KCTD8: variants seen among roughly 807,000 people sequenced by gnomAD.
The protein encoded by KCTD8 is BTB/POZ domain-containing protein KCTD8.
Under a neutral mutation model 31.5 loss-of-function variants are expected in KCTD8, and 27 were observed. The ratio of observed to expected loss-of-function variants is 0.86; its 90% CI spans 0.63 to 1.18. The LOEUF (loss-of-function observed/expected upper bound fraction) is 1.18, where lower values mean the gene tolerates loss of function less well. KCTD8 is among the 50% of genes most tolerant of loss of function. The probability of loss-of-function intolerance (pLI) is 0.00; values close to 1 mark genes in which losing one functional copy is unlikely to be tolerated. For synonymous variants in KCTD8, 290 were observed against 280.0 expected, an observed-to-expected ratio of 1.04 and a Z score of -0.36; for missense variants, 658 against 647.7, an observed-to-expected ratio of 1.02 and a Z score of -0.17.
intron 1 of KCTD8, among the ~76,000 whole-genome samples, chr4:44,399,186 G>A (rs1474215629): frequency 6.6e-6 from 1 of 152,120 alleles, no homozygotes; most frequent in African/African-American, 2.4e-5. Flanking sequence ...GGCACATGTG[G>A]AGGTCATTCC....
intron 1 of KCTD8, among the ~76,000 whole-genome samples, chr4:44,370,287 A>G (rs1447642718): frequency 6.6e-6 from 1 of 152,194 alleles, no homozygotes; most frequent in African/African-American, 2.4e-5. Flanking sequence ...AGAAGACCAG[A>G]CATTTGAAAT....
Position 44,407,501 on chromosome 4 carries a change from C to G in KCTD8, c.961+40062G>C, listed in dbSNP as rs138405446. On this transcript the variant is annotated intron_variant, in intron 1 of 1. Coordinates refer to ENST00000360029, the MANE Select transcript of KCTD8 (RefSeq NM_198353.3). ...TCCCAGGTTCAAGAGATTCTCCTGT[C>G]TCAGCCTCCTGAGTAGCTGGGATTA... is the stretch of plus-strand genomic sequence containing the variant. Among the ~76,000 whole-genome samples the G allele has an allele frequency of 2.4e-3, 368 of 151,704 alleles. 4 individuals are homozygous for G. The Middle Eastern group carries it at 0.031, about 13-fold the overall frequency.
At chr4:44,319,008 G>C (rs1172074601) in intron 1 of KCTD8, among the ~76,000 whole-genome samples, 1 of 152,160 alleles carries the variant, frequency 6.6e-6, no homozygotes, top group Non-Finnish European at 1.5e-5. Context: ...AAAAATGAAG[G>C]ATGCGGACGC....
chr4:44,409,793 T>TA (rs67296007), intron 1 of KCTD8, among the ~76,000 whole-genome samples: 2 of 150,452 alleles, frequency 1.3e-5, no homozygotes, highest in African/African-American at 4.9e-5. Flanking sequence ...TAGAGTATAT[T>TA]AAAAAAAAGT....
At chr4:44,371,044 T>C (rs944186399) in intron 1 of KCTD8, among the ~76,000 whole-genome samples, 79 of 152,244 alleles carry the variant, frequency 5.2e-4, no homozygotes, top group African/African-American at 1.6e-3. Context: ...ACTGATGGCC[T>C]GAGAACCAGG....
intron 1 of KCTD8, among the ~76,000 whole-genome samples, chr4:44,347,358 A>G (rs1301002220): frequency 6.6e-6 from 1 of 152,178 alleles, no homozygotes; most frequent in Non-Finnish European, 1.5e-5. Flanking sequence ...AATGTGGCAC[A>G]AAACAGACAT....
At chr4:44,379,106 A>G (rs1283782549) in intron 1 of KCTD8, among the ~76,000 whole-genome samples, 1 of 152,048 alleles carries the variant, frequency 6.6e-6, no homozygotes, top group Non-Finnish European at 1.5e-5. Flanking sequence ...CCAGGATAAT[A>G]TCCCCATCTC....
chr4:44,287,906 T>C (rs1553898852), intron 1 of KCTD8, among the ~76,000 whole-genome samples: 3 of 152,156 alleles, frequency 2.0e-5, no homozygotes, highest in South Asian at 4.1e-4. Flanking sequence ...AGTCGACTTG[T>C]ATGTAGATGG....
At chr4:44,425,755 A>G (rs1160379527) in intron 1 of KCTD8, among the ~76,000 whole-genome samples, 1 of 152,016 alleles carries the variant, frequency 6.6e-6, no homozygotes, top group Non-Finnish European at 1.5e-5. Context: ...AATTAAATCT[A>G]TCAACGCAAT....
chr4:44,296,827 T>C (rs1310948578), intron 1 of KCTD8, among the ~76,000 whole-genome samples: 1 of 151,990 alleles, frequency 6.6e-6, no homozygotes, highest in African/African-American at 2.4e-5. Context: ...ACACACTGCC[T>C]CTGAAAAACC....
intron 1 of KCTD8, among the ~76,000 whole-genome samples, chr4:44,239,523 T>C (rs1715388339): frequency 6.6e-6 from 1 of 152,208 alleles, no homozygotes. Flanking sequence ...TTAACAATTA[T>C]TCATAGGCAG....
chr4:44,216,812 T>G (rs1038779833), intron 1 of KCTD8, among the ~76,000 whole-genome samples: 2 of 152,182 alleles, frequency 1.3e-5, no homozygotes, highest in Admixed American at 1.3e-4. Context: ...TAAAATTTTG[T>G]ATATGTATGC....
At chr4:44,233,900 C>T (rs1170318558) in intron 1 of KCTD8, among the ~76,000 whole-genome samples, 1 of 152,012 alleles carries the variant, frequency 6.6e-6, no homozygotes, top group Non-Finnish European at 1.5e-5. Context: ...ATTTACTATT[C>T]ATCCAGATAT....
intron 1 of KCTD8, among the ~76,000 whole-genome samples, chr4:44,182,597 G>A (rs567613945): frequency 7.2e-5 from 11 of 152,222 alleles, no homozygotes; most frequent in Non-Finnish European, 1.3e-4. Flanking sequence ...CAGCATGCTC[G>A]TTAAGAGTCA....
intron 1 of KCTD8, among the ~76,000 whole-genome samples, chr4:44,252,910 T>G (rs191555638): frequency 6.6e-6 from 1 of 151,842 alleles, no homozygotes; most frequent in East Asian, 1.9e-4. Flanking sequence ...GAGTGACAGT[T>G]TGAAGGTTCA....
chr4:44,256,412 T>C (rs1433104620), intron 1 of KCTD8, among the ~76,000 whole-genome samples: 1 of 152,004 alleles, frequency 6.6e-6, no homozygotes, highest in African/African-American at 2.4e-5. Context: ...AAAAAGCTTA[T>C]AGAAAATTGG....
chr4:44,428,155 T>A (rs1202919048), intron 1 of KCTD8, among the ~76,000 whole-genome samples: 1 of 151,752 alleles, frequency 6.6e-6, no homozygotes, highest in Non-Finnish European at 1.5e-5. Flanking sequence ...TAATTTTTTT[T>A]AATATAAATA....
At chr4:44,349,170 C>T (rs538605842) in intron 1 of KCTD8, among the ~76,000 whole-genome samples, 99 of 149,234 alleles carry the variant, frequency 6.6e-4, no homozygotes, top group Admixed American at 1.9e-3. Context: ...TCATGCTTTG[C>T]TGATCCTAGG....
chr4:44,239,046 G>A (rs564106937), intron 1 of KCTD8, among the ~76,000 whole-genome samples: 8 of 152,240 alleles, frequency 5.3e-5, no homozygotes, highest in Middle Eastern at 3.4e-3. Context: ...TGCTAGTCAC[G>A]TGCAGGGGTA....
Sources: gnomAD v4.1 joint callset for allele counts (sites outside exome capture counted in the v4.1 genomes callset) on GRCh38, gnomAD v4.1.1 for gene constraint, MANE v1.5 for transcripts, NCBI Gene and HGNC (gene_info 2026-07-23, HGNC 2026-07-21) for gene names.